Variants in SLC4A11 observed in about 807,000 individuals in gnomAD.
SLC4A11 encodes the protein solute carrier family 4 member 11, also known as bicarbonate transporter related protein 1.
In SLC4A11, 74 loss-of-function variants were observed where a neutral mutation model predicts 95.0. The ratio of observed to expected loss-of-function variants is 0.78; its 90% confidence interval spans 0.65 to 0.95. SLC4A11 has a LOEUF of 0.95. Among genes scored for constraint, SLC4A11 ranks in the 40% least tolerant of loss-of-function variants. SLC4A11 has a pLI of 0.00. For missense variants in SLC4A11, 1,081 were observed against 1,192.4 expected (o/e 0.91, Z 1.38); for synonymous variants, 548 against 519.0 (o/e 1.06, Z -0.76).
rs1490739461 is a variant in SLC4A11 at position 3,227,598 on chromosome 20, G to T, written c.*189C>A. ...CAACGCTCTTGGCCTAAAGCTAAAG[G>T]ATAATGGGAGAGGGGTGGGCACATA... On this transcript the variant is annotated 3_prime_UTR_variant, in exon 20 of 20. Transcript: ENST00000642402. The T allele has an allele frequency of 9.2e-6, 6 of 655,698 alleles. No homozygotes were observed. Among genetic ancestry groups the T allele is most frequent in the Non-Finnish European group, 1.6e-5 (6 of 365,298 alleles). 40.6% of individuals were successfully genotyped at this position (655,698 alleles called of 1,614,324 possible).
chr20:3,238,592 C>G, intron 1 of SLC4A11: 1 of 991,362 alleles, frequency 1.0e-6, no homozygotes, highest in Non-Finnish European at 1.2e-6. Context: ...CGTGTCAGAG[C>G]AAGGGAGAAA....
Position 3,234,076 on chromosome 20 carries a change from G to A in SLC4A11, c.523+7C>T. ...CGCCCCCGCCCGGGCCGGGAGACCG[G>A]CCTCACCTTTACCCCGCATGGGTGC... is the stretch of plus-strand genomic sequence containing the variant. On this transcript the variant is annotated splice_region_variant and intron_variant, in intron 5 of 19. Transcript: ENST00000642402. This position sits in a 1 kb window ranked among gnomAD's most constrained non-coding sequence, Gnocchi z 5.8. 1.9e-6 allele frequency: 3 copies of A among 1,613,830 alleles called. No homozygotes were observed. Among genetic ancestry groups the A allele is most frequent in the Non-Finnish European group, 2.5e-6 (3 of 1,180,002 alleles).
Position 3,233,970 on chromosome 20 carries a change from T to C in SLC4A11, c.556A>G (p.Thr186Ala). Reference protein sequence around the residue: ...HLLSDTIQGVTATVTGVRYQQ... With the variant: ...HLLSDTIQGVAATVTGVRYQQ... Reference sequence around the variant, plus strand: ...TACCGCACCCCTGTCACTGTGGCGGTGACCCCTTGGATGGTATCTGACAGC... The same window carrying C: ...TACCGCACCCCTGTCACTGTGGCGGCGACCCCTTGGATGGTATCTGACAGC... The change falls in exon 6 of 20, where the codon ACC (threonine) becomes GCC (alanine). Residue 186 changes from threonine to alanine, a missense_variant. By Grantham distance (58) the Thr-to-Ala change is moderately conservative. Transcript: ENST00000642402. 6.2e-7 allele frequency: 1 copy of C among 1,613,830 alleles called. No homozygotes were observed. Among genetic ancestry groups the C allele is most frequent in the Middle Eastern group, 1.7e-4 (1 of 5,974 alleles).
chr20:3,228,985 C>T lies in SLC4A11; in HGVS notation c.2045G>A (p.Trp682Ter). 1 of 1,613,576 alleles carries T rather than the reference C, an allele frequency of 6.2e-7. No homozygotes were observed. The highest frequency in any genetic ancestry group is 8.5e-7 in the Non-Finnish European group (1 of 1,179,992). The part of the protein sequence containing the change: ...NRLVKGTAYH[W>*]DLLLLAIINT... ...GATGATGGCGAGGAGCAGGAGGTCC[C>T]AGTGGTAGGCAGTGCCCTTCACCAG... The change falls in exon 17 of 20, where the codon TGG (tryptophan) becomes TAG (stop). Residue 682 changes from tryptophan to a stop codon, truncating the protein, a stop_gained. Coordinates refer to ENST00000642402, the MANE Select transcript of SLC4A11 (RefSeq NM_001174089.2). LOFTEE classifies it high-confidence loss of function.
chr20:3,238,125 A>T, intron 1 of SLC4A11: 1 of 1,453,788 alleles, frequency 6.9e-7, no homozygotes, highest in Non-Finnish European at 9.1e-7. Flanking sequence ...GCCGACAGGC[A>T]ACGGTCTCCA....
At chr20:3,233,261 G>A (rs55935226) in intron 7 of SLC4A11, among the ~76,000 whole-genome samples, 11 of 152,296 alleles carry the variant, frequency 7.2e-5, no homozygotes, top group South Asian at 6.2e-4. Context: ...AGAGAAGGCC[G>A]CGTGTTTGAA....
Position 3,227,486 on chromosome 20 carries a change from T to C in SLC4A11, c.*301A>G, listed in dbSNP as rs986515015. On this transcript the variant is annotated 3_prime_UTR_variant, in exon 20 of 20. Transcript: ENST00000642402. ...CAAGTTCCTTACACAATCAAGGAAA[T>C]GGTTTCTCTTTCAGGCATCGACTCT... 2.3e-6 allele frequency: 1 copy of C among 444,100 alleles called. No homozygotes were observed. Among genetic ancestry groups the C allele is most frequent in the Non-Finnish European group, 4.2e-6 (1 of 239,556 alleles). The allele number at this position is 444,100 out of a possible 1,614,324, so 27.5% of individuals were successfully genotyped here. A position where few individuals can be genotyped will look rare whatever the true frequency, so the allele number is the denominator to read the frequency against.
At position 3,230,380 on chromosome 20, in the gene SLC4A11, A is replaced by G. The variant is rs1227827652; in HGVS notation, c.1416-120T>C. 3.2e-6 allele frequency: 5 copies of G among 1,565,810 alleles called. No individual in the cohort carries two copies. In the Admixed American group the frequency reaches 5.0e-5, roughly 16 times the overall value. ...CTGCCAGGAAGAAGGCCAGGGCCCC[A>G]GGCCTTGCCTGAGCCCACCCCAGCC... On this transcript the variant is annotated intron_variant, in intron 12 of 19. Transcript: ENST00000642402.
rs148132505 is a variant in SLC4A11, at chr20:3,227,760, G to T, written c.*27C>A. The T allele has an allele frequency of 1.2e-6, 2 of 1,611,068 alleles. No homozygotes were observed. Among genetic ancestry groups the T allele is most frequent in the Non-Finnish European group, 1.7e-6 (2 of 1,179,204 alleles). On this transcript the variant is annotated 3_prime_UTR_variant, in exon 20 of 20. Transcript: ENST00000642402. Reference sequence around the variant, plus strand: ...GCCTGGGAGGACGTGGAGGGCTGGCGAATGGGGCGTGGGCAGGGTCTGCCA... The same window carrying T: ...GCCTGGGAGGACGTGGAGGGCTGGCTAATGGGGCGTGGGCAGGGTCTGCCA...
intron 7 of SLC4A11, among the ~76,000 whole-genome samples, 190 bp downstream of exon 7, chr20:3,233,324 C>T (rs1222697909): frequency 5.9e-5 from 9 of 152,262 alleles, no homozygotes; most frequent in Admixed American, 2.6e-4. Flanking sequence ...ACGAACTTTT[C>T]GGCAATCCCC....
intron 1 of SLC4A11, chr20:3,238,174 C>T (rs1263750441): frequency 6.9e-7 from 1 of 1,439,536 alleles, no homozygotes; most frequent in African/African-American, 1.4e-5. Context: ...AAGCCAGAGC[C>T]GTTGGTCCAA....
chr20:3,234,309 C>T lies in SLC4A11; in HGVS notation c.297G>A (p.Leu99=). The change falls in exon 5 of 20, where the codon CTG becomes CTA. Residue 99 remains leucine, a synonymous_variant. Transcript: ENST00000642402. This position sits in a 1 kb window ranked among gnomAD's most constrained non-coding sequence, Gnocchi z 5.8. ...TCTCTTCCTTGAAGTTCTTTAACTT[C>T]AGGTACTGAGGGGACCCCAGGGACA... The part of the protein sequence containing the change: ...CVLLHTSRKY[L]KLKNFKEEIR... 6.2e-7 allele frequency: 1 copy of T among 1,613,728 alleles called. No homozygotes were observed. The highest frequency in any genetic ancestry group is 8.5e-7 in the Non-Finnish European group (1 of 1,179,962).
chr20:3,239,550 G>C, upstream of SLC4A11: 5 of 988,224 alleles, frequency 5.1e-6, no homozygotes, highest in Non-Finnish European at 6.0e-6. Context: ...GTGCGACTGA[G>C]GCAGACCCCG....
chr20:3,230,432 AC>A, intron 12 of SLC4A11, 82 bp downstream of exon 12: 1 of 1,596,120 alleles, frequency 6.3e-7, no homozygotes. Context: ...TGGTGGGGGC[AC>A]CCCCACCACC....
chr20:3,234,601 G>A lies in SLC4A11; in HGVS notation c.258C>T (p.Ser86=), dbSNP rs376941289. The A allele has an allele frequency of 1.6e-5, 26 of 1,613,892 alleles. No homozygotes were observed. Among genetic ancestry groups the A allele is most frequent in the Middle Eastern group, 1.7e-4 (1 of 6,060 alleles). Residue 86 remains serine (S), a synonymous_variant, in exon 4 of 20, where the codon TCC becomes TCT. Coordinates refer to ENST00000642402, the MANE Select transcript of SLC4A11 (RefSeq NM_001174089.2). The surrounding 1 kb of genome is among the most constrained non-coding windows in gnomAD (Gnocchi z 5.8). ...QATNTENEAT[S]GGCVLLHTSR... ...AGGTGTGCAGGAGCACACAGCCACC[G>A]GAAGTCGCTTCATTCTCTGCCGGAG... is the stretch of plus-strand genomic sequence containing the variant.
chr20:3,236,377 C>A (rs1010231315), intron 2 of SLC4A11, among the ~76,000 whole-genome samples: 7 of 152,156 alleles, frequency 4.6e-5, no homozygotes, highest in Non-Finnish European at 8.8e-5. Context: ...GAGATCGAGA[C>A]CATCCTGGCT....
intron 7 of SLC4A11, among the ~76,000 whole-genome samples, chr20:3,232,753 A>G (rs2067822920): frequency 6.6e-6 from 1 of 151,952 alleles, no homozygotes; most frequent in African/African-American, 2.4e-5. Flanking sequence ...CAAATACAAA[A>G]CCCCAAAAGA....
In SLC4A11 at chr20:3,234,544, C is replaced by T. The variant is rs1303370356; in HGVS notation, c.291+24G>A. On this transcript the variant is annotated intron_variant, in intron 4 of 19. Transcript: ENST00000642402. This position sits in a 1 kb window ranked among gnomAD's most constrained non-coding sequence, Gnocchi z 5.8. ...CAGCCCCCAGGTAGAGGCCCCAGGA[C>T]CACCTGCAGGACAGGCCATTCACCT... is the stretch of plus-strand genomic sequence containing the variant. 3 of 1,613,594 alleles carry T rather than the reference C, an allele frequency of 1.9e-6. No homozygotes were observed. The highest frequency in any genetic ancestry group is 2.2e-5 in the East Asian group (1 of 44,872).
rs2122541902 is a variant in SLC4A11, at chr20:3,230,604, G to A, written c.1326C>T (p.Ser442=). 1 of 1,613,860 alleles carries A rather than the reference G, an allele frequency of 6.2e-7. No individual in the cohort carries two copies. Among genetic ancestry groups the A allele is most frequent in the Middle Eastern group, 1.6e-4 (1 of 6,062 alleles). The part of the protein sequence containing the change: ...ICDDYDLDFN[S]FYAWTGLWNS... ...TCCACAGGCCCGTCCATGCGTAGAAGGAGTTGAAGTCCAGGTCATAGTCAT... is the reference window on the plus strand; with the variant it reads ...TCCACAGGCCCGTCCATGCGTAGAAAGAGTTGAAGTCCAGGTCATAGTCAT... Residue 442 remains serine, a synonymous_variant, in exon 12 of 20, where the codon TCC becomes TCT. Coordinates refer to ENST00000642402, the MANE Select transcript of SLC4A11 (RefSeq NM_001174089.2).
Sources: allele counts gnomAD v4.1 joint callset (sites outside exome capture counted in the v4.1 genomes callset), GRCh38; gene constraint gnomAD v4.1.1; non-coding constraint Gnocchi (gnomAD v3.1); transcripts MANE v1.5; gene names NCBI Gene and HGNC (gene_info 2026-07-23, HGNC 2026-07-21).